The following CAST variants were observed in gnomAD, a reference collection of about 807,000 sequenced individuals.
The protein encoded by CAST is calpastatin.
CAST carries 76 observed loss-of-function variants against 119.6 expected under a neutral mutation model. That is an observed-to-expected ratio of 0.64 (90% confidence interval 0.53 to 0.77). The LOEUF is 0.77. Ranked by LOEUF, CAST falls within the 30% of genes least tolerant of loss-of-function variation. The probability of loss-of-function intolerance (pLI) is 0.00; values close to 1 mark genes in which losing one functional copy is unlikely to be tolerated. For missense variants in CAST, 953 were observed against 946.5 expected (o/e 1.01, Z -0.09); for synonymous variants, 319 against 331.6 (o/e 0.96, Z 0.41).
At position 96,762,409 on chromosome 5, in the gene CAST, T is replaced by G. The variant is rs781541630; in HGVS notation, c.1932+37T>G. On this transcript the variant is annotated intron_variant, in intron 25 of 31. Transcript: ENST00000675179. Reference sequence around the variant, plus strand: ...ATCTTATTTGGGAGATAAATGTTTTTGCGCAGCCACAACTAGAAAGAAAAT... The same window carrying G: ...ATCTTATTTGGGAGATAAATGTTTTGGCGCAGCCACAACTAGAAAGAAAAT... The G allele has an allele frequency of 9.7e-6, 14 of 1,449,112 alleles. No individual in the cohort carries two copies. In the South Asian group the frequency reaches 1.8e-4, roughly 19 times the overall value. The allele number at this position is 1,449,112 out of a possible 1,614,324, so 89.8% of individuals were successfully genotyped here. A position where few individuals can be genotyped will look rare whatever the true frequency, so the allele number is the denominator to read the frequency against.
intron 3 of CAST, among the ~76,000 whole-genome samples, chr5:96,701,921 T>G (rs1169836146): frequency 1.3e-5 from 2 of 151,776 alleles, no homozygotes; most frequent in African/African-American, 4.8e-5. Context: ...ACAAAAAAAA[T>G]AAGGTAGCTG....
chr5:96,159,009 T>G, the CAST span, among the ~76,000 whole-genome samples: 1 of 152,244 alleles, frequency 6.6e-6, no homozygotes, highest in Non-Finnish European at 1.5e-5. Context: ...CCAGCTATTT[T>G]GCTTGCCAGG....
the CAST span, among the ~76,000 whole-genome samples, chr5:96,244,910 T>C: frequency 6.6e-6 from 1 of 152,324 alleles, no homozygotes; most frequent in African/African-American, 2.4e-5. Flanking sequence ...GGATATGTTT[T>C]AGAGTGAGGT....
At chr5:95,997,873 G>T in the CAST span, among the ~76,000 whole-genome samples, 1 of 150,930 alleles carries the variant, frequency 6.6e-6, no homozygotes, top group Non-Finnish European at 1.5e-5. Flanking sequence ...AAATGCGAAT[G>T]ATCTGCTGTC....
chr5:96,498,405 A>C, the CAST span, among the ~76,000 whole-genome samples: 4 of 152,210 alleles, frequency 2.6e-5, no homozygotes, highest in African/African-American at 9.6e-5. Context: ...GAAGAAAGTC[A>C]TTGGTAGCTT....
At chr5:96,105,598 G>A in the CAST span, among the ~76,000 whole-genome samples, 3 of 152,136 alleles carry the variant, frequency 2.0e-5, no homozygotes, top group Non-Finnish European at 2.9e-5. Flanking sequence ...CTTGATCATG[G>A]TGGATAAGCT....
the CAST span, among the ~76,000 whole-genome samples, chr5:96,014,441 G>A: frequency 2.0e-5 from 3 of 151,992 alleles, no homozygotes; most frequent in Non-Finnish European, 2.9e-5. Flanking sequence ...TAGTTAATAC[G>A]TAAACAAGTA....
the CAST span, among the ~76,000 whole-genome samples, chr5:96,506,069 C>A: frequency 6.6e-6 from 1 of 152,192 alleles, no homozygotes; most frequent in Non-Finnish European, 1.5e-5. Context: ...ATGAACCTTT[C>A]TAGTTTTCCA....
At chr5:96,149,011 C>T in the CAST span, among the ~76,000 whole-genome samples, 1 of 152,288 alleles carries the variant, frequency 6.6e-6, no homozygotes, top group Middle Eastern at 3.4e-3. Flanking sequence ...TGGAAGAATC[C>T]TTCTTAGGTG....
At chr5:96,419,191 AT>A in the CAST span, among the ~76,000 whole-genome samples, 3 of 151,726 alleles carry the variant, frequency 2.0e-5, no homozygotes, top group Admixed American at 2.0e-4. Flanking sequence ...TTGTGGAATA[AT>A]TTTTAAACAA....
chr5:96,440,572 G>T, the CAST span, among the ~76,000 whole-genome samples: 1 of 152,082 alleles, frequency 6.6e-6, no homozygotes. Flanking sequence ...CTTGTGGGTG[G>T]GGGAGGTGGG....
At chr5:96,746,062 C>T (rs756537017) in intron 16 of CAST, among the ~76,000 whole-genome samples, 1 of 152,162 alleles carries the variant, frequency 6.6e-6, no homozygotes, top group Non-Finnish European at 1.5e-5. Flanking sequence ...GAAACTGGAC[C>T]AAATAAAGGC....
At chr5:96,035,345 G>A in the CAST span, among the ~76,000 whole-genome samples, 1 of 150,992 alleles carries the variant, frequency 6.6e-6, no homozygotes, top group African/African-American at 2.4e-5. Context: ...TCATAATCAG[G>A]TACTCTGTCT....
the CAST span, among the ~76,000 whole-genome samples, chr5:96,485,371 T>C: frequency 6.6e-6 from 1 of 152,204 alleles, no homozygotes; most frequent in Admixed American, 6.5e-5. Context: ...GTTATTACCA[T>C]CTTTAAAATT....
chr5:96,628,932 G>T (rs2150201344), intron 1 of CAST, among the ~76,000 whole-genome samples: 1 of 152,286 alleles, frequency 6.6e-6, no homozygotes. Context: ...TACTTGCTGT[G>T]GTTTGAATGT....
chr5:96,229,460 G>A, the CAST span, among the ~76,000 whole-genome samples: 1 of 152,046 alleles, frequency 6.6e-6, no homozygotes, highest in Non-Finnish European at 1.5e-5. Flanking sequence ...TTCCATGGCA[G>A]TGGCAGCACC....
At chr5:96,602,664 C>T (rs79950876) in intron 1 of CAST, among the ~76,000 whole-genome samples, 12,081 of 152,140 alleles carry the variant, frequency 0.079, 884 homozygotes, top group East Asian at 0.3. Flanking sequence ...GCAGGAGAAT[C>T]GCTTGAACCT....
At chr5:96,486,419 C>G in the CAST span, among the ~76,000 whole-genome samples, 1 of 152,138 alleles carries the variant, frequency 6.6e-6, no homozygotes, top group Non-Finnish European at 1.5e-5. Flanking sequence ...CAGAGACACA[C>G]CATTTTACTA....
chr5:96,445,466 A>G, the CAST span, among the ~76,000 whole-genome samples: 1 of 152,234 alleles, frequency 6.6e-6, no homozygotes, highest in Non-Finnish European at 1.5e-5. Context: ...GCCCAGACAC[A>G]TAATGGTTCC....
Sources: gnomAD v4.1 joint callset for allele counts (sites outside exome capture counted in the v4.1 genomes callset) on GRCh38, gnomAD v4.1.1 for gene constraint, MANE v1.5 for transcripts, NCBI Gene and HGNC (gene_info 2026-07-23, HGNC 2026-07-21) for gene names.